The following NAALADL2 variants were observed in gnomAD, a reference collection of about 807,000 sequenced individuals.
NAALADL2 encodes the protein inactive N-acetylated-alpha-linked acidic dipeptidase-like protein 2.
In NAALADL2, 76 loss-of-function variants were observed where a neutral mutation model predicts 87.2. That is an observed-to-expected ratio of 0.87 (90% CI 0.72 to 1.05). The LOEUF is 1.05. Among genes scored for constraint, NAALADL2 ranks in the 50% least tolerant of loss-of-function variants. The probability of loss-of-function intolerance (pLI) is 0.00; values close to 1 mark genes in which losing one functional copy is unlikely to be tolerated. For synonymous variants in NAALADL2, 354 were observed against 331.0 expected (o/e 1.07, Z -0.75); for missense variants, 1,089 against 945.8 (o/e 1.15, Z -1.99).
At chr3:175,059,666 C>A in intron 1 of NAALADL2, 2 of 341,204 alleles carry the variant, frequency 5.9e-6, no homozygotes, top group South Asian at 2.9e-5. Context: ...CTGGGCAAGC[C>A]ATTCTTCCAT....
chr3:175,659,811 A>G (rs985843049), intron 11 of NAALADL2, among the ~76,000 whole-genome samples: 5 of 152,122 alleles, frequency 3.3e-5, no homozygotes, highest in South Asian at 2.1e-4. Context: ...ACTTCTATAC[A>G]TATCATTTGG....
intron 9 of NAALADL2, among the ~76,000 whole-genome samples, chr3:175,516,652 C>T (rs552463193): frequency 6.6e-6 from 1 of 152,084 alleles, no homozygotes; most frequent in Admixed American, 6.6e-5. Context: ...TGAGGAGTAT[C>T]TTTATATTTT....
chr3:175,333,261 C>T (rs1169201224), intron 5 of NAALADL2, among the ~76,000 whole-genome samples: 2 of 152,102 alleles, frequency 1.3e-5, no homozygotes, highest in Admixed American at 6.6e-5. Context: ...CTCAGGTCCC[C>T]AAGAGGAGTG....
chr3:175,522,537 C>T (rs1241054291), intron 9 of NAALADL2, among the ~76,000 whole-genome samples: 1 of 152,114 alleles, frequency 6.6e-6, no homozygotes, highest in Non-Finnish European at 1.5e-5. Context: ...TCTCAGTGAT[C>T]AGAATAGGAG....
At chr3:175,476,299 G>T (rs1361896970) in intron 9 of NAALADL2, among the ~76,000 whole-genome samples, 1 of 152,116 alleles carries the variant, frequency 6.6e-6, no homozygotes, top group Non-Finnish European at 1.5e-5. Flanking sequence ...GCACAGCATT[G>T]CTTTAAGTGT....
chr3:175,488,214 A>T (rs1160018191), intron 9 of NAALADL2, among the ~76,000 whole-genome samples: 1 of 152,238 alleles, frequency 6.6e-6, no homozygotes, highest in Non-Finnish European at 1.5e-5. Flanking sequence ...CTTTCAAAAG[A>T]AATTGAACAA....
chr3:175,656,723 G>A (rs1560925420), intron 11 of NAALADL2, among the ~76,000 whole-genome samples: 10 of 148,826 alleles, frequency 6.7e-5, no homozygotes, highest in Non-Finnish European at 4.5e-5. Flanking sequence ...GTGTGTGTAT[G>A]TGTGTGTGTG....
intron 1 of NAALADL2, among the ~76,000 whole-genome samples, chr3:174,912,770 T>C (rs1733873835): frequency 1.3e-5 from 2 of 152,222 alleles, no homozygotes; most frequent in African/African-American, 4.8e-5. Context: ...TATATATTGA[T>C]ATTTTCCTGT....
intron 2 of NAALADL2, among the ~76,000 whole-genome samples, chr3:174,590,799 T>A (rs1814854): frequency 0.26 from 39,745 of 151,952 alleles, 6,501 homozygotes; most frequent in East Asian, 0.74. Context: ...GTATGAGGAT[T>A]AATTGAGATA....
intron 1 of NAALADL2, among the ~76,000 whole-genome samples, chr3:175,023,447 G>A (rs1391072207): frequency 6.6e-6 from 1 of 151,816 alleles, no homozygotes; most frequent in African/African-American, 2.4e-5. Flanking sequence ...TTATTTTTTC[G>A]ATTGAGAAAC....
intron 2 of NAALADL2, among the ~76,000 whole-genome samples, chr3:174,652,617 A>G (rs1383131298): frequency 6.6e-6 from 1 of 152,170 alleles, no homozygotes; most frequent in Non-Finnish European, 1.5e-5. Flanking sequence ...ACCCGCTCCC[A>G]TGATTCAGTT....
chr3:175,123,667 A>G (rs559673335), intron 2 of NAALADL2, among the ~76,000 whole-genome samples: 200 of 151,964 alleles, frequency 1.3e-3, no homozygotes, highest in African/African-American at 4.6e-3. Context: ...TCTGCCTTAC[A>G]TCCCCTCTTC....
intron 5 of NAALADL2, among the ~76,000 whole-genome samples, chr3:175,347,146 C>T (rs1327266135): frequency 6.6e-6 from 1 of 152,156 alleles, no homozygotes; most frequent in Non-Finnish European, 1.5e-5. Context: ...ACACTGGTGA[C>T]TCAGAGCTTG....
intron 2 of NAALADL2, among the ~76,000 whole-genome samples, chr3:174,649,624 G>T (rs912805469): frequency 8.6e-5 from 13 of 152,028 alleles, no homozygotes. Context: ...GTAATACAAT[G>T]AGTTAAAACA....
At chr3:174,808,854 G>A (rs1275796003) in intron 3 of NAALADL2, among the ~76,000 whole-genome samples, 4 of 87,658 alleles carry the variant, frequency 4.6e-5, no homozygotes, top group South Asian at 3.6e-4. Flanking sequence ...GTGGTGCCTG[G>A]TGTATGTGTA....
chr3:175,314,098 G>T, intron 4 of NAALADL2, among the ~76,000 whole-genome samples: 1 of 148,794 alleles, frequency 6.7e-6, no homozygotes, highest in East Asian at 2.0e-4. Flanking sequence ...AAAGAAAAGT[G>T]AAAAGTGTCC....
chr3:174,934,678 A>G (rs1481527895), intron 1 of NAALADL2, among the ~76,000 whole-genome samples: 1 of 152,070 alleles, frequency 6.6e-6, no homozygotes, highest in Non-Finnish European at 1.5e-5. Flanking sequence ...ATAAACAACA[A>G]CAACAAAAAA....
chr3:175,466,952 A>T, intron 7 of NAALADL2, 27 bp from the exon 8 acceptor site: 2 of 1,537,332 alleles, frequency 1.3e-6, no homozygotes, highest in African/African-American at 2.7e-5. Context: ...ATTTTTTTAA[A>T]TGGCTCTTGT....
chr3:174,567,015 T>G (rs1009489038), intron 2 of NAALADL2, among the ~76,000 whole-genome samples: 1 of 151,664 alleles, frequency 6.6e-6, no homozygotes, highest in African/African-American at 2.4e-5. Flanking sequence ...ATTTTTAAAT[T>G]GAAAAATTGG....
Sources: allele counts gnomAD v4.1 joint callset (sites outside exome capture counted in the v4.1 genomes callset), GRCh38; gene constraint gnomAD v4.1.1; transcripts MANE v1.5; gene names NCBI Gene and HGNC (gene_info 2026-07-23, HGNC 2026-07-21).